AMPH: variants seen among roughly 807,000 people sequenced by gnomAD.
AMPH encodes amphiphysin (Stiff-Mann syndrome with breast cancer 128kD autoantigen).
A neutral mutation model predicts 99.1 loss-of-function variants in AMPH; 49 were observed. The observed-to-expected ratio is 0.49, with a 90% CI of 0.39 to 0.63. AMPH has a LOEUF of 0.63. Among genes scored for constraint, AMPH ranks in the 20% least tolerant of loss-of-function variants. The pLI, the probability that AMPH is intolerant of heterozygous loss-of-function variation, is 0.00. For synonymous variants in AMPH, 314 were observed against 317.3 expected (o/e 0.99, Z 0.11); for missense variants, 759 against 863.4 (o/e 0.88, Z 1.52).
At chr7:38,606,632 G>C (rs1793446135) in intron 1 of AMPH, among the ~76,000 whole-genome samples, 1 of 142,260 alleles carries the variant, frequency 7.0e-6, no homozygotes, top group South Asian at 2.3e-4. Context: ...GAATGCAGTA[G>C]TGCAATCTCA....
chr7:38,614,836 C>T (rs1793819811), intron 1 of AMPH, among the ~76,000 whole-genome samples: 1 of 152,114 alleles, frequency 6.6e-6, no homozygotes, highest in Non-Finnish European at 1.5e-5. Flanking sequence ...AACTACTGTG[C>T]AACCAAAAAG....
At chr7:38,486,365 A>C (rs939314209) in intron 5 of AMPH, among the ~76,000 whole-genome samples, 6 of 151,982 alleles carry the variant, frequency 3.9e-5, no homozygotes, top group Admixed American at 1.3e-4. Flanking sequence ...AGATACATAC[A>C]ACCTAGGAAG....
Position 38,391,785 on chromosome 7 carries a change from TC to T in AMPH, c.1840del (p.Glu614ArgfsTer55). 6.2e-7 allele frequency: 1 copy of T among 1,613,938 alleles called. No homozygotes were observed. The highest frequency in any genetic ancestry group is 8.5e-7 in the Non-Finnish European group (1 of 1,179,994). On this transcript the variant is annotated frameshift_variant, in exon 19 of 21. Transcript: ENST00000356264. LOFTEE classifies it high-confidence loss of function. ...GAADQLASAR[E>X]ASQELPPGFL... is the part of the protein sequence containing the mutation. ...GCCAGGAGGCAATTCCTGAGAGGCCTCCCTTGCAGATGCTAGCTGGTCAGCA... is the reference window on the plus strand; with the variant it reads ...GCCAGGAGGCAATTCCTGAGAGGCCTCCTTGCAGATGCTAGCTGGTCAGCA...
At chr7:38,553,574 ACTGAGTTAAAATTC>A (rs1791255091) in intron 1 of AMPH, among the ~76,000 whole-genome samples, 1 of 152,246 alleles carries the variant, frequency 6.6e-6, no homozygotes, top group African/African-American at 2.4e-5. Flanking sequence ...TATACATTAC[ACTGAGTTAAAATTC>A]TAAAGTCCTA....
At chr7:38,519,918 A>G (rs994320246) in intron 2 of AMPH, among the ~76,000 whole-genome samples, 1 of 152,260 alleles carries the variant, frequency 6.6e-6, no homozygotes, top group Admixed American at 6.5e-5. Flanking sequence ...AATGTGGTAC[A>G]TATACACCAC....
chr7:38,530,923 T>C (rs887803512), intron 2 of AMPH: 1 of 152,234 alleles, frequency 6.6e-6, no homozygotes, highest in Non-Finnish European at 1.5e-5. Context: ...TGCATTGTCA[T>C]GGAAAATTCC....
chr7:38,546,044 G>A (rs966065619), intron 1 of AMPH, among the ~76,000 whole-genome samples: 3 of 152,160 alleles, frequency 2.0e-5, no homozygotes, highest in African/African-American at 7.2e-5. Flanking sequence ...GCTGGACACA[G>A]TATTTTCAGT....
chr7:38,612,084 C>CTTT (rs777855014), intron 1 of AMPH, among the ~76,000 whole-genome samples: 26,605 of 88,232 alleles, frequency 0.3, 4,766 homozygotes, highest in Non-Finnish European at 0.37. Flanking sequence ...TTTTTGTCTT[C>CTTT]TTCTTTTTTT....
chr7:38,430,283 T>C (rs1785957954), intron 13 of AMPH, among the ~76,000 whole-genome samples: 1 of 152,212 alleles, frequency 6.6e-6, no homozygotes, highest in African/African-American at 2.4e-5. Context: ...AAACTCATCC[T>C]ATACTTGGCT....
chr7:38,576,855 A>G (rs1427136545), intron 1 of AMPH, among the ~76,000 whole-genome samples: 1 of 152,194 alleles, frequency 6.6e-6, no homozygotes, highest in Non-Finnish European at 1.5e-5. Flanking sequence ...GACCTTGGGC[A>G]AGTCATTTAA....
intron 1 of AMPH, among the ~76,000 whole-genome samples, chr7:38,559,552 G>A (rs573280252): frequency 6.6e-6 from 1 of 152,154 alleles, no homozygotes; most frequent in Admixed American, 6.5e-5. Flanking sequence ...GTTCCACCTT[G>A]TCTCTCTGAC....
intron 1 of AMPH, among the ~76,000 whole-genome samples, chr7:38,551,596 G>A (rs1376518038): frequency 6.6e-6 from 1 of 152,172 alleles, no homozygotes; most frequent in Non-Finnish European, 1.5e-5. Context: ...ATAAGTGTCT[G>A]TCTAAAGAGT....
At chr7:38,463,339 T>C in intron 9 of AMPH, 1 of 644,888 alleles carries the variant, frequency 1.6e-6, no homozygotes, top group East Asian at 3.2e-5. Context: ...GTCTTCACAG[T>C]AGCCATGTTT....
intron 1 of AMPH, among the ~76,000 whole-genome samples, chr7:38,603,970 A>C (rs1473671597): frequency 6.6e-6 from 1 of 152,248 alleles, no homozygotes; most frequent in Non-Finnish European, 1.5e-5. Flanking sequence ...TCTTCAGTGA[A>C]TGCAGGGTGG....
intron 3 of AMPH, among the ~76,000 whole-genome samples, chr7:38,496,657 T>C (rs541364745): frequency 1.3e-5 from 2 of 152,170 alleles, no homozygotes; most frequent in Admixed American, 6.5e-5. Context: ...AGGTGGAAGC[T>C]ACATTATGCC....
chr7:38,585,872 G>A (rs1039272149), intron 1 of AMPH, among the ~76,000 whole-genome samples: 3 of 152,202 alleles, frequency 2.0e-5, no homozygotes, highest in Admixed American at 2.0e-4. Context: ...CATAGCTGTG[G>A]ATACACAGAA....
intron 2 of AMPH, among the ~76,000 whole-genome samples, chr7:38,510,167 T>A (rs1789485415): frequency 2.0e-5 from 3 of 152,168 alleles, no homozygotes; most frequent in Admixed American, 1.3e-4. Flanking sequence ...GTAGGTGCAG[T>A]TTCCCCCCGT....
intron 1 of AMPH, among the ~76,000 whole-genome samples, chr7:38,619,303 A>G (rs1176455794): frequency 1.3e-5 from 2 of 152,242 alleles, no homozygotes; most frequent in Admixed American, 6.5e-5. Context: ...ACTACTAGAG[A>G]CAAAGAAGGA....
chr7:38,436,283 G>A lies in AMPH; in HGVS notation c.1123C>T (p.Pro375Ser). 6.2e-7 allele frequency: 1 copy of A among 1,613,794 alleles called. No homozygotes were observed. Among genetic ancestry groups the A allele is most frequent in the Non-Finnish European group, 8.5e-7 (1 of 1,179,692 alleles). The stretch of plus-strand genomic sequence containing the variant: ...AAAGCACCTGATACCTGAGACATGG[G>A]TGAGTGGGTCACTCCAGCAGAACCT... ...PAGSAGVTHS[P>S]MSQTLPWDLW... is the part of the protein sequence containing the mutation. The change falls in exon 12 of 21, where the codon CCC (proline) becomes TCC (serine). Residue 375 changes from proline to serine, a missense_variant. Pro to Ser is a moderately conservative substitution (Grantham distance 74). Around this residue, in one of 2 missense-constraint regions of AMPH, gnomAD observed 554 missense variants for 575.6 expected, o/e 0.96. Transcript: ENST00000356264.
Sources: gnomAD v4.1 joint callset for allele counts (sites outside exome capture counted in the v4.1 genomes callset) on GRCh38, gnomAD v4.1.1 for gene constraint, gnomAD v4.1.1 regional missense constraint, MANE v1.5 for transcripts, NCBI Gene and HGNC (gene_info 2026-07-23, HGNC 2026-07-21) for gene names.